The following COL25A1 variants were observed in gnomAD, a reference collection of about 807,000 sequenced individuals.
COL25A1 encodes collagen type XXV alpha 1 chain.
COL25A1 carries 103 observed loss-of-function variants against 128.4 expected under a neutral mutation model. The observed-to-expected ratio is 0.80, with a 90% CI of 0.68 to 0.94. The LOEUF (loss-of-function observed/expected upper bound fraction) is 0.94. Ranked by LOEUF, COL25A1 falls within the 40% of genes least tolerant of loss-of-function variation. COL25A1 has a pLI of 0.00. For missense variants in COL25A1, 745 were observed against 840.0 expected, an observed-to-expected ratio of 0.89 and a Z score of 1.40; for synonymous variants, 279 against 277.2, an observed-to-expected ratio of 1.01 and a Z score of -0.06.
intron 3 of COL25A1, among the ~76,000 whole-genome samples, chr4:109,213,116 A>T (rs990110254): frequency 2.6e-5 from 4 of 152,198 alleles, no homozygotes; most frequent in African/African-American, 4.8e-5. Context: ...AAGACTAAAA[A>T]AGCTAGAATG....
intron 3 of COL25A1, among the ~76,000 whole-genome samples, chr4:109,068,059 C>A (rs1167638490): frequency 6.6e-6 from 1 of 152,180 alleles, no homozygotes; most frequent in Non-Finnish European, 1.5e-5. Context: ...CGTGCCATTG[C>A]TTTCGGTGGC....
At chr4:109,256,774 T>C (rs1222607688) in intron 3 of COL25A1, among the ~76,000 whole-genome samples, 1 of 152,184 alleles carries the variant, frequency 6.6e-6, no homozygotes, top group Non-Finnish European at 1.5e-5. Flanking sequence ...AGTTTCTTCC[T>C]CTGTAAAACA....
At chr4:109,185,645 T>C (rs993721751) in intron 3 of COL25A1, among the ~76,000 whole-genome samples, 50 of 152,324 alleles carry the variant, frequency 3.3e-4, no homozygotes, top group Non-Finnish European at 1.2e-4. Context: ...CCAGTGTGGC[T>C]GTATTTGGAG....
Position 109,184,902 on chromosome 4 carries a change from T to C in COL25A1, c.367+115681A>G, listed in dbSNP as rs113600121. On this transcript the variant is annotated intron_variant, in intron 3 of 37. Coordinates refer to ENST00000399132, the MANE Select transcript of COL25A1 (RefSeq NM_198721.4). ...TCAAACTATTACAAAGCTCCTGTTTTAGTAGAGATTAAATCTTTCTCCTGG... is the reference window on the plus strand; with the variant it reads ...TCAAACTATTACAAAGCTCCTGTTTCAGTAGAGATTAAATCTTTCTCCTGG... 1.4e-3 allele frequency among the ~76,000 whole-genome samples: 211 copies of C among 152,290 alleles called. 1 individual carries two copies. The highest frequency in any genetic ancestry group is 4.9e-3 in the African/African-American group (205 of 41,576).
intron 19 of COL25A1, among the ~76,000 whole-genome samples, chr4:108,872,939 C>T (rs549276467): frequency 4.6e-5 from 7 of 151,792 alleles, no homozygotes; most frequent in South Asian, 4.1e-4. Context: ...TGTGCCCAGG[C>T]TGAAGTTCAG....
intron 6 of COL25A1, among the ~76,000 whole-genome samples, chr4:108,987,594 T>G (rs1753778498): frequency 6.6e-6 from 1 of 152,098 alleles, no homozygotes; most frequent in Non-Finnish European, 1.5e-5. Context: ...CAGGCTGATC[T>G]TGAACTCCTG....
chr4:108,983,898 G>A (rs1461170386), intron 6 of COL25A1, among the ~76,000 whole-genome samples: 2 of 152,162 alleles, frequency 1.3e-5, no homozygotes, highest in African/African-American at 4.8e-5. Flanking sequence ...AAGAGCAAAA[G>A]AACAAAGCTT....
chr4:109,069,204 A>C (rs923833012), intron 3 of COL25A1, among the ~76,000 whole-genome samples: 1 of 151,272 alleles, frequency 6.6e-6, no homozygotes, highest in Non-Finnish European at 1.5e-5. Flanking sequence ...AACAATACCT[A>C]ATTAGTTTTC....
At chr4:109,227,496 T>A (rs1308735577) in intron 3 of COL25A1, among the ~76,000 whole-genome samples, 1 of 152,238 alleles carries the variant, frequency 6.6e-6, no homozygotes, top group East Asian at 1.9e-4. Flanking sequence ...ATTTGGAAAG[T>A]GGTTATAGTC....
At chr4:109,113,498 G>A (rs1326715193) in intron 3 of COL25A1, among the ~76,000 whole-genome samples, 1 of 151,968 alleles carries the variant, frequency 6.6e-6, no homozygotes, top group Non-Finnish European at 1.5e-5. Context: ...ATTCTCATGT[G>A]TCCATTTTGA....
In COL25A1 at chr4:108,947,579, C is replaced by T. The variant is rs533530673; in HGVS notation, c.493-6142G>A. ...AAAAGACTTAGGTTTAAGGGATGAG[C>T]AGGGGAAGAGGCAACTACAAAGAAG... On this transcript the variant is annotated intron_variant, in intron 8 of 37. Coordinates refer to ENST00000399132, the MANE Select transcript of COL25A1 (RefSeq NM_198721.4). Among the ~76,000 whole-genome samples, 13 of 152,130 alleles carry T rather than the reference C, an allele frequency of 8.5e-5. No individual in the cohort carries two copies. In the South Asian group the frequency reaches 2.3e-3, roughly 27 times the overall value.
At chr4:109,171,313 TC>T (rs1773560856) in intron 3 of COL25A1, among the ~76,000 whole-genome samples, 1 of 152,142 alleles carries the variant, frequency 6.6e-6, no homozygotes, top group African/African-American at 2.4e-5. Flanking sequence ...CTGACTCACC[TC>T]CCCATATTTC....
chr4:109,069,640 C>T (rs552719305), intron 3 of COL25A1, among the ~76,000 whole-genome samples: 1 of 152,276 alleles, frequency 6.6e-6, no homozygotes, highest in African/African-American at 2.4e-5. Context: ...TTTGTGACTA[C>T]ATCTAAAAGG....
At chr4:108,859,259 G>T (rs1736880151) in intron 24 of COL25A1, among the ~76,000 whole-genome samples, 1 of 152,124 alleles carries the variant, frequency 6.6e-6, no homozygotes, top group African/African-American at 2.4e-5. Context: ...GAAATAACTT[G>T]CCCTAGGTCA....
chr4:108,825,516 T>C (rs984641612), intron 33 of COL25A1, among the ~76,000 whole-genome samples: 3 of 152,142 alleles, frequency 2.0e-5, no homozygotes, highest in Non-Finnish European at 4.4e-5. Context: ...AGTTGATTAG[T>C]GACTGTTAGT....
chr4:108,848,640 T>C (rs1037642066), intron 27 of COL25A1, 119 bp downstream of exon 27: 4 of 706,338 alleles, frequency 5.7e-6, no homozygotes, highest in Non-Finnish European at 9.8e-6. Flanking sequence ...CTAGAACAAA[T>C]GGTTAAAAGA....
intron 6 of COL25A1, among the ~76,000 whole-genome samples, chr4:108,987,921 GA>G (rs1286728253): frequency 6.6e-6 from 1 of 152,050 alleles, no homozygotes; most frequent in Admixed American, 6.5e-5. Context: ...CCTTATTTCT[GA>G]ACTCCTAAAA....
intron 3 of COL25A1, among the ~76,000 whole-genome samples, chr4:109,154,453 CTT>C (rs1771839749): frequency 6.6e-6 from 1 of 152,142 alleles, no homozygotes; most frequent in Admixed American, 6.5e-5. Flanking sequence ...CAAAAACAAA[CTT>C]TAGTTATTTC....
chr4:109,252,292 C>A (rs1254426192), intron 3 of COL25A1, among the ~76,000 whole-genome samples: 1 of 152,222 alleles, frequency 6.6e-6, no homozygotes, highest in African/African-American at 2.4e-5. Flanking sequence ...ATATCAGGGA[C>A]TAAGTGCTGG....
Sources: gnomAD v4.1 joint callset for allele counts (sites outside exome capture counted in the v4.1 genomes callset) on GRCh38, gnomAD v4.1.1 for gene constraint, MANE v1.5 for transcripts, NCBI Gene and HGNC (gene_info 2026-07-23, HGNC 2026-07-21) for gene names.